Variants in HIF1A observed in about 807,000 individuals in gnomAD.
HIF1A encodes hypoxia inducible factor 1 subunit alpha, also known as hypoxia-inducible factor 1-alpha.
A neutral mutation model predicts 92.7 loss-of-function variants in HIF1A; 24 were observed. The observed-to-expected ratio is 0.26, with a 90% CI of 0.19 to 0.36. The LOEUF (loss-of-function observed/expected upper bound fraction) is 0.36. HIF1A is among the 10% of genes least tolerant of loss of function. The probability of loss-of-function intolerance (pLI) is 1.00; values close to 1 mark genes in which losing one functional copy is unlikely to be tolerated. For missense variants in HIF1A, 799 were observed against 998.5 expected, an observed-to-expected ratio of 0.80 and a Z score of 2.69; for synonymous variants, 319 against 338.7, an observed-to-expected ratio of 0.94 and a Z score of 0.64.
At chr14:61,716,596 TTTA>T (rs2044367065) in intron 1 of HIF1A, among the ~76,000 whole-genome samples, 1 of 152,138 alleles carries the variant, frequency 6.6e-6, no homozygotes, top group African/African-American at 2.4e-5. Flanking sequence ...TTTGTGTCCT[TTTA>T]TTTTTTTTTA....
intron 1 of HIF1A, among the ~76,000 whole-genome samples, chr14:61,707,072 A>C (rs1367855138): frequency 2.0e-5 from 3 of 152,240 alleles, no homozygotes; most frequent in African/African-American, 7.2e-5. Context: ...GGTTTTTTAA[A>C]GAGAAAAGTA....
intron 1 of HIF1A, among the ~76,000 whole-genome samples, chr14:61,696,198 C>T (rs945704370): frequency 2.0e-5 from 3 of 152,384 alleles, no homozygotes; most frequent in South Asian, 2.1e-4. Context: ...AGCCTGAAAA[C>T]CCCGGGAAGA....
intron 1 of HIF1A, among the ~76,000 whole-genome samples, chr14:61,707,680 C>T (rs1324717072): frequency 1.3e-5 from 2 of 151,272 alleles, no homozygotes; most frequent in Admixed American, 6.6e-5. Flanking sequence ...TGTATATGTG[C>T]CACATTTTCT....
At chr14:61,700,436 T>C (rs1479521190) in intron 1 of HIF1A, among the ~76,000 whole-genome samples, 1 of 152,210 alleles carries the variant, frequency 6.6e-6, no homozygotes, top group Non-Finnish European at 1.5e-5. Context: ...TTTCACTTTG[T>C]GTAATGTCCT....
At chr14:61,737,133 C>G in intron 9 of HIF1A, 24 bp downstream of exon 9, 1 of 1,532,660 alleles carries the variant, frequency 6.5e-7, no homozygotes, top group Non-Finnish European at 9.0e-7. Context: ...TTTGTTAATC[C>G]CCTAAATTGT....
chr14:61,730,986 T>G (rs1425048735), intron 6 of HIF1A, among the ~76,000 whole-genome samples: 3 of 152,204 alleles, frequency 2.0e-5, no homozygotes, highest in Non-Finnish European at 4.4e-5. Context: ...GATGTCCCTT[T>G]GTAAAGAATT....
intron 8 of HIF1A, among the ~76,000 whole-genome samples, chr14:61,735,799 C>G (rs1244007782): frequency 7.9e-5 from 12 of 152,108 alleles, no homozygotes; most frequent in Non-Finnish European, 1.5e-4. Context: ...AGATCTTAAT[C>G]ATTTATCTGT....
chr14:61,724,489 A>G (rs561461218), intron 4 of HIF1A, among the ~76,000 whole-genome samples: 54 of 151,872 alleles, frequency 3.6e-4, no homozygotes, highest in African/African-American at 1.3e-3. Context: ...TCTTAATCTA[A>G]GTAAACCCAA....
chr14:61,724,349 TTCTCTCTCTCTCTC>T (rs147642291), intron 4 of HIF1A, among the ~76,000 whole-genome samples: 1 of 96,094 alleles, frequency 1.0e-5, no homozygotes, highest in Non-Finnish European at 2.1e-5. Context: ...CACACACACA[TTCTCTCTCTCTCTC>T]TCTCTCTCTC....
At chr14:61,733,073 TTTTTATTTTA>T (rs201955172) in intron 7 of HIF1A, among the ~76,000 whole-genome samples, 1 of 152,116 alleles carries the variant, frequency 6.6e-6, no homozygotes, top group Admixed American at 6.6e-5. Flanking sequence ...CTTTTGGTTA[TTTTTATTTTA>T]TTTTATTTTA....
chr14:61,727,803 G>A (rs2044524679), intron 6 of HIF1A, 148 bp downstream of exon 6: 5 of 639,556 alleles, frequency 7.8e-6, no homozygotes, highest in South Asian at 3.5e-5. Context: ...CAAGCGGGGG[G>A]TGGATCATCT....
intron 6 of HIF1A, among the ~76,000 whole-genome samples, chr14:61,731,603 A>G (rs1247663736): frequency 1.3e-5 from 2 of 152,048 alleles, no homozygotes; most frequent in Non-Finnish European, 2.9e-5. Context: ...TTGGTTGATG[A>G]TATTAGAATT....
At chr14:61,715,056 T>C (rs918166810) in intron 1 of HIF1A, among the ~76,000 whole-genome samples, 4 of 151,968 alleles carry the variant, frequency 2.6e-5, no homozygotes, top group African/African-American at 7.2e-5. Flanking sequence ...AAACAGTTTC[T>C]GTGACTGCTA....
chr14:61,695,935 TGGG>T, intron 1 of HIF1A, 96 bp downstream of exon 1: 1 of 1,134,990 alleles, frequency 8.8e-7, no homozygotes, highest in Non-Finnish European at 1.3e-6. Context: ...TTAATGGGAT[TGGG>T]GGGGGCAGCC....
rs1470592680 is a variant in HIF1A, at chr14:61,732,501, A to G, written c.857A>G (p.His286Arg). ...YEYYHALDSD[H>R]LTKTHHDMFT... ...TATTATCATGCTTTGGACTCTGATC[A>G]TCTGACCAAAACTCATCATGATAGT... The change falls in exon 7 of 15, where the codon CAT becomes CGT. Residue 286 changes from histidine to arginine, a missense_variant. Transcript: ENST00000337138. 6.2e-7 allele frequency: 1 copy of G among 1,604,680 alleles called. No homozygotes were observed. Among genetic ancestry groups the G allele is most frequent in the East Asian group, 2.2e-5 (1 of 44,768 alleles).
At position 61,734,256 on chromosome 14, in the gene HIF1A, G is replaced by C; in HGVS notation, c.999G>C (p.Gln333His). ...VIYNTKNSQPQCIVCVNYVVS... is the reference protein window; with the variant it reads ...VIYNTKNSQPHCIVCVNYVVS... ...ATAACACCAAGAATTCTCAACCACA[G>C]TGCATTGTATGTGTGAATTACGTTG... The change falls in exon 8 of 15, where the codon CAG becomes CAC. Residue 333 changes from glutamine (Q) to histidine (H), a missense_variant. By Grantham distance (24) the Gln-to-His change is conservative. This residue lies in a region of HIF1A where 516 missense variants were observed against 721.0 expected (regional missense o/e 0.72). Transcript: ENST00000337138. The C allele has an allele frequency of 6.2e-7, 1 of 1,612,712 alleles. No individual in the cohort carries two copies. The highest frequency in any genetic ancestry group is 8.5e-7 in the Non-Finnish European group (1 of 1,179,256).
At chr14:61,723,142 T>C (rs1307083413) in intron 4 of HIF1A, among the ~76,000 whole-genome samples, 2 of 152,248 alleles carry the variant, frequency 1.3e-5, no homozygotes, top group East Asian at 1.9e-4. Context: ...TTCTATATTA[T>C]AAAACCTCAA....
rs912938074 is a variant in HIF1A, at chr14:61,729,443, C to T, written c.773+1788C>T. 4.8e-5 allele frequency among the ~76,000 whole-genome samples: 7 copies of T among 147,260 alleles called. 1 individual carries two copies. The highest frequency in any genetic ancestry group is 2.1e-4 in the Admixed American group (3 of 14,188). On this transcript the variant is annotated intron_variant, in intron 6 of 14. Coordinates refer to ENST00000337138, the MANE Select transcript of HIF1A (RefSeq NM_001530.4). ...CACCACTGCACTCCGGCCTGGGAGA[C>T]GGAGTGAGACTCCATCTCAAAAAAC...
intron 1 of HIF1A, 47 bp from the exon 2 acceptor site, chr14:61,720,335 C>A: frequency 1.4e-6 from 2 of 1,414,546 alleles, no homozygotes; most frequent in South Asian, 1.4e-5. Context: ...GGCAAACTAA[C>A]TTGTATACAC....
Sources: allele counts gnomAD v4.1 joint callset (sites outside exome capture counted in the v4.1 genomes callset), GRCh38; gene constraint gnomAD v4.1.1; regional missense constraint gnomAD v4.1.1; transcripts MANE v1.5; gene names NCBI Gene and HGNC (gene_info 2026-07-23, HGNC 2026-07-21).